The following BABAM2 variants were observed in gnomAD, a reference collection of about 807,000 sequenced individuals.
BABAM2 encodes BRISC and BRCA1 A complex member 2.
In BABAM2, 31 loss-of-function variants were observed where a neutral mutation model predicts 54.7. The ratio of observed to expected loss-of-function variants is 0.57; its 90% CI spans 0.43 to 0.77. The LOEUF (loss-of-function observed/expected upper bound fraction) is 0.77. Ranked by LOEUF, BABAM2 falls within the 30% of genes least tolerant of loss-of-function variation. BABAM2 has a pLI of 0.00. For synonymous variants in BABAM2, 167 were observed against 162.9 expected, an observed-to-expected ratio of 1.03 and a Z score of -0.19; for missense variants, 364 against 455.8, an observed-to-expected ratio of 0.80 and a Z score of 1.83.
intron 7 of BABAM2, among the ~76,000 whole-genome samples, chr2:28,131,060 TA>T (rs1558367440): frequency 1.0e-4 from 1 of 9,946 alleles, no homozygotes; most frequent in Non-Finnish European, 2.8e-4. Flanking sequence ...GTTTTATTAT[TA>T]TTATTATTAT....
At chr2:28,229,632 TGGAG>T in intron 7 of BABAM2, among the ~76,000 whole-genome samples, 1 of 151,710 alleles carries the variant, frequency 6.6e-6, no homozygotes, top group African/African-American at 2.4e-5. Flanking sequence ...TCACCCAAGC[TGGAG>T]TACAGTGGCA....
intron 6 of BABAM2, among the ~76,000 whole-genome samples, chr2:28,068,833 C>G (rs1663863264): frequency 6.6e-6 from 1 of 152,016 alleles, no homozygotes; most frequent in South Asian, 2.1e-4. Context: ...CCCAAAATAA[C>G]TAGGTTGATA....
chr2:27,913,530 A>G (rs545234185), intron 2 of BABAM2, among the ~76,000 whole-genome samples: 1 of 152,316 alleles, frequency 6.6e-6, no homozygotes, highest in African/African-American at 2.4e-5. Context: ...AAGATAACTC[A>G]AATTTTCAGT....
At chr2:28,320,513 G>A (rs1223666320) in intron 11 of BABAM2, among the ~76,000 whole-genome samples, 2 of 152,250 alleles carry the variant, frequency 1.3e-5, no homozygotes, top group African/African-American at 4.8e-5. Flanking sequence ...CGGGGGCCCA[G>A]GGCCTGAGAG....
chr2:28,131,419 A>T (rs1311926248), intron 7 of BABAM2, among the ~76,000 whole-genome samples: 1 of 151,592 alleles, frequency 6.6e-6, no homozygotes, highest in African/African-American at 2.4e-5. Flanking sequence ...CATATTAGTA[A>T]GCGATCAGTG....
At chr2:28,019,706 A>G (rs999604358) in intron 4 of BABAM2, among the ~76,000 whole-genome samples, 3 of 152,176 alleles carry the variant, frequency 2.0e-5, no homozygotes, top group African/African-American at 7.2e-5. Context: ...TCATTCTTCT[A>G]CAGGTGGCTT....
At chr2:28,232,353 G>A (rs1681489811) in intron 7 of BABAM2, among the ~76,000 whole-genome samples, 1 of 152,186 alleles carries the variant, frequency 6.6e-6, no homozygotes, top group Admixed American at 6.5e-5. Flanking sequence ...CAAGCTTTCA[G>A]ACAGGCTGAC....
chr2:28,074,444 A>T (rs1356213961), intron 6 of BABAM2, among the ~76,000 whole-genome samples: 1 of 152,190 alleles, frequency 6.6e-6, no homozygotes, highest in Non-Finnish European at 1.5e-5. Flanking sequence ...CCCTGGTTGA[A>T]AACCACTGAA....
chr2:28,062,520 G>A (rs1344280734), intron 6 of BABAM2, among the ~76,000 whole-genome samples: 4 of 144,210 alleles, frequency 2.8e-5, no homozygotes, highest in East Asian at 4.1e-4. Context: ...CCAAGATTGC[G>A]TCACTGCACT....
At chr2:28,159,469 AGGT>A (rs1330490865) in intron 7 of BABAM2, among the ~76,000 whole-genome samples, 15 of 152,176 alleles carry the variant, frequency 9.9e-5, no homozygotes, top group African/African-American at 3.6e-4. Context: ...GTTTTCCAGG[AGGT>A]AAAGGAGAGA....
chr2:28,214,273 A>G (rs549500666), intron 7 of BABAM2, among the ~76,000 whole-genome samples: 37 of 152,320 alleles, frequency 2.4e-4, no homozygotes, highest in African/African-American at 8.4e-4. Flanking sequence ...TATCACCACA[A>G]AAGAAGTCTC....
chr2:28,113,308 A>T (rs1245059019), intron 6 of BABAM2, among the ~76,000 whole-genome samples: 1 of 151,740 alleles, frequency 6.6e-6, no homozygotes, highest in African/African-American at 2.4e-5. Context: ...TAAATCTTTA[A>T]TCCATCTTGA....
intron 10 of BABAM2, among the ~76,000 whole-genome samples, chr2:28,296,948 A>G (rs1558509293): frequency 6.6e-6 from 1 of 152,202 alleles, no homozygotes. Flanking sequence ...TCCGCCTCCC[A>G]GAGTGCTGGG....
At chr2:28,193,669 A>G (rs1284285374) in intron 7 of BABAM2, among the ~76,000 whole-genome samples, 1 of 152,208 alleles carries the variant, frequency 6.6e-6, no homozygotes, top group Admixed American at 6.5e-5. Context: ...TCAATTTATA[A>G]GAAGGAAAAG....
rs1183039439 is a variant in BABAM2 at position 28,325,143 on chromosome 2, C to T, written c.1089-13307C>T. On this transcript the variant is annotated intron_variant, in intron 11 of 11. Transcript: ENST00000379624. The surrounding 1 kb of genome is among the most constrained non-coding windows in gnomAD (Gnocchi z 4.3). Reference sequence around the variant, plus strand: ...AACCCACTAAATGGATTTTGTGATCCACTGTTTGAACAAGCCTTCTTTACA... The same window carrying T: ...AACCCACTAAATGGATTTTGTGATCTACTGTTTGAACAAGCCTTCTTTACA... Among the ~76,000 whole-genome samples the T allele has an allele frequency of 6.6e-6, 1 of 152,176 alleles. No individual in the cohort carries two copies. The highest frequency in any genetic ancestry group is 1.5e-5 in the Non-Finnish European group (1 of 68,026).
intron 6 of BABAM2, among the ~76,000 whole-genome samples, chr2:28,054,754 G>T (rs779364879): frequency 1.3e-5 from 2 of 152,190 alleles, no homozygotes; most frequent in Admixed American, 6.5e-5. Context: ...ACAGTTTATA[G>T]TATTTTGTTA....
chr2:28,305,379 C>G (rs1362072833), intron 11 of BABAM2, among the ~76,000 whole-genome samples: 3 of 151,954 alleles, frequency 2.0e-5, no homozygotes, highest in African/African-American at 7.3e-5. Flanking sequence ...CCTTGCATTC[C>G]AAAGATAAAC....
chr2:28,101,790 A>T (rs967843731), intron 6 of BABAM2, among the ~76,000 whole-genome samples: 1 of 152,120 alleles, frequency 6.6e-6, no homozygotes, highest in African/African-American at 2.4e-5. Context: ...AAGCTCACAC[A>T]TTTTTTTATT....
intron 7 of BABAM2, among the ~76,000 whole-genome samples, chr2:28,226,129 G>T (rs1680861565): frequency 6.6e-6 from 1 of 152,132 alleles, no homozygotes; most frequent in South Asian, 2.1e-4. Context: ...ACAAAATGTT[G>T]TTGGAACACA....
Sources: allele counts gnomAD v4.1 joint callset (sites outside exome capture counted in the v4.1 genomes callset), GRCh38; gene constraint gnomAD v4.1.1; non-coding constraint Gnocchi (gnomAD v3.1); transcripts MANE v1.5; gene names NCBI Gene and HGNC (gene_info 2026-07-23, HGNC 2026-07-21).